Variants in FANCD2OS observed in about 807,000 individuals in gnomAD.
FANCD2OS encodes FANCD2 opposite strand.
In FANCD2OS, 11 loss-of-function variants were observed where a neutral mutation model predicts 13.2. That is an observed-to-expected ratio of 0.83 (90% CI 0.52 to 1.38). The LOEUF (loss-of-function observed/expected upper bound fraction) is 1.38. Among genes scored for constraint, FANCD2OS ranks in the 40% most tolerant of loss-of-function variants. The pLI is 0.00. For missense variants in FANCD2OS, 217 were observed against 213.9 expected, an observed-to-expected ratio of 1.01 and a Z score of -0.09; for synonymous variants, 69 against 84.5, an observed-to-expected ratio of 0.82 and a Z score of 1.01.
At chr3:10,099,388 C>T (rs1027159907), downstream of FANCD2OS, 5 of 1,086,868 alleles carry the variant, frequency 4.6e-6, no homozygotes, top group African/African-American at 8.4e-5. Context: ...TTTTTGAGGC[C>T]AAGGTAGGAG....
At chr3:10,107,388 C>T (rs527486340) in intron 1 of FANCD2OS, among the ~76,000 whole-genome samples, 6 of 151,860 alleles carry the variant, frequency 4.0e-5, no homozygotes, top group African/African-American at 1.5e-4. Flanking sequence ...CCCGGGTTCA[C>T]GCCATTCTCC....
intron 2 of FANCD2OS, among the ~76,000 whole-genome samples, chr3:10,097,401 G>A (rs141097910): frequency 2.6e-5 from 4 of 152,152 alleles, no homozygotes; most frequent in African/African-American, 9.7e-5. Flanking sequence ...GTACACCCGG[G>A]GGGGCCCAGT....
chr3:10,105,772 TTATATATATATATATA>T lies in FANCD2OS; in HGVS notation c.-8-1006_-8-991del, dbSNP rs574690780. On this transcript the variant is annotated intron_variant, in intron 1 of 1. Transcript: ENST00000450660. ...TCTAAAAAAAAAAAAAAAAAAAAAATTATATATATATATATATATATATATATATATATATATATAT... is the reference window on the plus strand; with the variant it reads ...TCTAAAAAAAAAAAAAAAAAAAAAATTATATATATATATATATATATATAT... Among the ~76,000 whole-genome samples, 164 of 22,634 alleles carry T rather than the reference TTATATATATATATATA, an allele frequency of 7.2e-3. 3 individuals are homozygous for T. The highest frequency in any genetic ancestry group is 0.07 in the East Asian group (40 of 568). 14.8% of individuals were successfully genotyped at this position (22,634 alleles called of 152,430 possible). A position where few individuals can be genotyped will look rare whatever the true frequency, so the allele number is the denominator to read the frequency against.
rs1196009515 is a variant in FANCD2OS at position 10,092,205 on chromosome 3, T to G, written c.*44-10674A>C. On this transcript the variant is annotated intron_variant, in intron 2 of 2. Coordinates refer to the FANCD2OS transcript ENST00000524279. ...GATTCATGAAGAGAAACTCCTCTAC[T>G]GGAACATGGCTGTTCGAGACTTCAG... is the stretch of plus-strand genomic sequence containing the variant. 6.2e-7 allele frequency: 1 copy of G among 1,614,102 alleles called. No individual in the cohort carries two copies. The highest frequency in any genetic ancestry group is 8.5e-7 in the Non-Finnish European group (1 of 1,179,924).
intron 2 of FANCD2OS, among the ~76,000 whole-genome samples, chr3:10,084,225 C>T (rs1425123221): frequency 6.6e-6 from 1 of 150,708 alleles, no homozygotes; most frequent in Non-Finnish European, 1.5e-5. Context: ...AACTCCTGAC[C>T]CCGTGATCTA....
intron 2 of FANCD2OS, among the ~76,000 whole-genome samples, chr3:10,094,706 TAAAAAA>T (rs950105118): frequency 1.4e-5 from 2 of 147,746 alleles, no homozygotes; most frequent in Non-Finnish European, 3.0e-5. Context: ...GAAATGATTT[TAAAAAA>T]AAAAAAGCTC....
downstream of FANCD2OS, chr3:10,099,269 A>G (rs1165181732): frequency 7.8e-7 from 1 of 1,280,550 alleles, no homozygotes; most frequent in South Asian, 1.7e-5. Flanking sequence ...AAATAAAAAT[A>G]GAAGTTCTTA....
downstream of FANCD2OS, among the ~76,000 whole-genome samples, chr3:10,100,194 A>G (rs1695219656): frequency 6.6e-6 from 1 of 152,144 alleles, no homozygotes; most frequent in Non-Finnish European, 1.5e-5. Context: ...TAAAAAAGTT[A>G]TTTTATTTAC....
At chr3:10,087,541 T>G (rs1694292687) in intron 2 of FANCD2OS, among the ~76,000 whole-genome samples, 1 of 152,048 alleles carries the variant, frequency 6.6e-6, no homozygotes, top group South Asian at 2.1e-4. Flanking sequence ...AAAAAAAAAT[T>G]TATCTGAGAC....
At chr3:10,085,894 C>G (rs1240225716) in intron 2 of FANCD2OS, 15 of 1,612,912 alleles carry the variant, frequency 9.3e-6, no homozygotes, top group Non-Finnish European at 1.3e-5. Context: ...ACAGGGAGAA[C>G]ACAGCCAGCC....
intron 2 of FANCD2OS, chr3:10,081,534 G>A: frequency 9.6e-6 from 10 of 1,046,492 alleles, no homozygotes; most frequent in Middle Eastern, 2.0e-4. Context: ...CCAAGGCACT[G>A]AAATGTAGAA....
chr3:10,100,796 G>GC (rs1695255259), downstream of FANCD2OS, among the ~76,000 whole-genome samples: 5 of 152,306 alleles, frequency 3.3e-5, no homozygotes, highest in South Asian at 8.3e-4. Context: ...TGGGCCGGGC[G>GC]CAATGGCTCA....
chr3:10,104,064 A>G lies in FANCD2OS; in HGVS notation c.*177T>C, dbSNP rs1341033307. On this transcript the variant is annotated 3_prime_UTR_variant, in exon 2 of 2. Transcript: ENST00000450660. ...GGAATGTTCTTCCTTGTTCTCTATC[A>G]TTGGTCCTTTTTTGGAGGGGAAGGG... 1.7e-6 allele frequency: 1 copy of G among 604,448 alleles called. No homozygotes were observed. The highest frequency in any genetic ancestry group is 2.9e-6 in the Non-Finnish European group (1 of 349,578). 37.4% of individuals were successfully genotyped at this position (604,448 alleles called of 1,614,324 possible). A position where few individuals can be genotyped will look rare whatever the true frequency, so the allele number is the denominator to read the frequency against.
At chr3:10,105,394 C>T (rs147191929) in intron 1 of FANCD2OS, among the ~76,000 whole-genome samples, 1 of 152,172 alleles carries the variant, frequency 6.6e-6, no homozygotes, top group African/African-American at 2.4e-5. Context: ...ACAGAAGCTT[C>T]TGGGACTTCA....
chr3:10,093,099 C>T (rs921419372), intron 2 of FANCD2OS, among the ~76,000 whole-genome samples: 2 of 152,146 alleles, frequency 1.3e-5, no homozygotes, highest in African/African-American at 4.8e-5. Flanking sequence ...CTCGTCTCTT[C>T]CTTTTCTTGA....
downstream of FANCD2OS, chr3:10,099,105 A>G (rs1024072666): frequency 8.6e-6 from 13 of 1,513,736 alleles, no homozygotes; most frequent in African/African-American, 1.7e-4. Context: ...ATCTGAAACC[A>G]TTTTAGAAGG....
intron 2 of FANCD2OS, among the ~76,000 whole-genome samples, chr3:10,084,595 T>G (rs1195184636): frequency 6.6e-6 from 1 of 152,190 alleles, no homozygotes; most frequent in Admixed American, 6.5e-5. Context: ...CCACCATACC[T>G]GGCCCAAATT....
At chr3:10,096,717 T>C (rs1694988058) in intron 2 of FANCD2OS, among the ~76,000 whole-genome samples, 1 of 152,132 alleles carries the variant, frequency 6.6e-6, no homozygotes, top group Non-Finnish European at 1.5e-5. Context: ...GCCTCAGACA[T>C]AAAGGAGTCA....
At chr3:10,100,884 A>T (rs527411764), downstream of FANCD2OS, among the ~76,000 whole-genome samples, 47 of 152,048 alleles carry the variant, frequency 3.1e-4, no homozygotes, top group African/African-American at 1.1e-3. Context: ...AGCCTTGCCA[A>T]TGTGGAGAAA....
Sources: allele counts gnomAD v4.1 joint callset (sites outside exome capture counted in the v4.1 genomes callset), GRCh38; gene constraint gnomAD v4.1.1; transcripts MANE v1.5; gene names NCBI Gene and HGNC (gene_info 2026-07-23, HGNC 2026-07-21).